PROM2: variants seen among roughly 807,000 people sequenced by gnomAD.
PROM2 encodes prominin-2.
PROM2 carries 90 observed loss-of-function variants against 110.2 expected under a neutral mutation model. The ratio of observed to expected loss-of-function variants is 0.82; its 90% CI spans 0.69 to 0.97. The LOEUF is 0.97. Ranked by LOEUF, PROM2 falls within the 50% of genes least tolerant of loss-of-function variation. The probability of loss-of-function intolerance (pLI) is 0.00; values close to 1 mark genes in which losing one functional copy is unlikely to be tolerated. For synonymous variants in PROM2, 470 were observed against 467.8 expected, an observed-to-expected ratio of 1.00 and a Z score of -0.06; for missense variants, 1,009 against 1,074.8, an observed-to-expected ratio of 0.94 and a Z score of 0.86.
chr2:95,284,122 G>C (rs1462155982), intron 14 of PROM2, among the ~76,000 whole-genome samples: 1 of 152,228 alleles, frequency 6.6e-6, no homozygotes, highest in Non-Finnish European at 1.5e-5. Flanking sequence ...CCTACTGGGA[G>C]CCTGTCTGGG....
rs1439493942 is a variant in PROM2, at chr2:95,274,828, A to G, written c.243A>G (p.Ser81=). The part of the protein sequence containing the change: ...LSVVQLNPFP[S]ELVKALLNEL... ...TGGTGCAGCTCAATCCTTTCCCTTC[A>G]GGTGAGTGTGCCCCTCCCCCATGAG... Residue 81 remains serine, a splice_region_variant and synonymous_variant, in exon 1 of 24, where the codon TCA becomes TCG. Transcript: ENST00000317620. The G allele has an allele frequency of 2.6e-6, 4 of 1,549,596 alleles. No individual in the cohort carries two copies. The highest frequency in any genetic ancestry group is 1.9e-5 in the Admixed American group (1 of 53,774).
At position 95,281,317 on chromosome 2, in the gene PROM2, C is replaced by T. The variant is rs370200086; in HGVS notation, c.1503C>T (p.Asn501=). 47 of 1,613,146 alleles carry T rather than the reference C, an allele frequency of 2.9e-5. No homozygotes were observed. Among genetic ancestry groups the T allele is most frequent in the South Asian group, 1.1e-4 (10 of 91,056 alleles). The change falls in exon 12 of 24, where the codon AAC becomes AAT. Residue 501 remains asparagine (N), a synonymous_variant. Transcript: ENST00000317620. ...TCGCCACCTTCCTGGTGGGTGGCAACGTGCAGACGCTGGTGTGCCAGAGCT... is the reference window on the plus strand; with the variant it reads ...TCGCCACCTTCCTGGTGGGTGGCAATGTGCAGACGCTGGTGTGCCAGAGCT... The part of the protein sequence containing the change: ...LVFATFLVGG[N]VQTLVCQSWE...
Position 95,276,294 on chromosome 2 carries a change from G to T in PROM2, c.565G>T (p.Ala189Ser). ...TGAACAGATGGGCCCCAGCATCGAG[G>T]CCATGCCTGAGACCCTGCTCAGCCT... ...THEQMGPSIE[A>S]MPETLLSLWG... Residue 189 changes from alanine to serine, a missense_variant, in exon 4 of 24, where the codon GCC becomes TCC. Ala to Ser is a moderately conservative substitution (Grantham distance 99). Transcript: ENST00000317620. This position sits in a 1 kb window ranked among gnomAD's most constrained non-coding sequence, Gnocchi z 4.6. 1 of 1,613,884 alleles carries T rather than the reference G, an allele frequency of 6.2e-7. No homozygotes were observed. The highest frequency in any genetic ancestry group is 1.3e-5 in the African/African-American group (1 of 75,064).
chr2:95,281,233 C>G lies in PROM2; in HGVS notation c.1428-9C>G. Reference sequence around the variant, plus strand: ...GCTGTCCCTCAGTCCTGCCTCTCGCCTACCCCAGAGGTGTGGGCCTCAGCT... The same window carrying G: ...GCTGTCCCTCAGTCCTGCCTCTCGCGTACCCCAGAGGTGTGGGCCTCAGCT... On this transcript the variant is annotated splice_polypyrimidine_tract_variant and intron_variant, in intron 11 of 23. Coordinates refer to ENST00000317620, the MANE Select transcript of PROM2 (RefSeq NM_001165978.3). The G allele has an allele frequency of 6.2e-7, 1 of 1,611,732 alleles. No homozygotes were observed. The highest frequency in any genetic ancestry group is 8.5e-7 in the Non-Finnish European group (1 of 1,179,846).
At chr2:95,281,483 G>A (rs1220703223) in intron 12 of PROM2, 118 bp downstream of exon 12, 2 of 1,262,820 alleles carry the variant, frequency 1.6e-6, no homozygotes, top group Non-Finnish European at 1.1e-6. Flanking sequence ...AGGGAGGGGA[G>A]GAGTGAGACA....
chr2:95,279,770 G>A (rs747303228), intron 10 of PROM2, 75 bp from the exon 11 acceptor site: 576 of 1,280,066 alleles, frequency 4.5e-4, no homozygotes, highest in Non-Finnish European at 2.1e-4. Context: ...ACACCCGGTC[G>A]CCACGTCCCG....
In PROM2 at chr2:95,276,217, A is replaced by C. The variant is rs1387815309; in HGVS notation, c.498-10A>C. ...CAGCAAGCACCTTCCTCCTCCCTCC[A>C]TTCCCACAGGATTGGTGTGGTCTGT... On this transcript the variant is annotated splice_polypyrimidine_tract_variant and intron_variant, in intron 3 of 23. Transcript: ENST00000317620. This position sits in a 1 kb window ranked among gnomAD's most constrained non-coding sequence, Gnocchi z 4.6. 2 of 1,613,846 alleles carry C rather than the reference A, an allele frequency of 1.2e-6. No individual in the cohort carries two copies. Among genetic ancestry groups the C allele is most frequent in the East Asian group, 2.2e-5 (1 of 44,868 alleles).
chr2:95,278,798 G>T lies in PROM2; in HGVS notation c.1114+14G>T. On this transcript the variant is annotated intron_variant, in intron 9 of 23. Transcript: ENST00000317620. The stretch of plus-strand genomic sequence containing the variant: ...GCGTGGTGCAAGGTTAGGCCACACG[G>T]GTCAGAGGCAGCTGCCAGGCATGGC... 1 of 1,613,992 alleles carries T rather than the reference G, an allele frequency of 6.2e-7. No individual in the cohort carries two copies. Among genetic ancestry groups the T allele is most frequent in the South Asian group, 1.1e-5 (1 of 91,082 alleles).
Position 95,285,114 on chromosome 2 carries a change from A to T in PROM2, c.1874A>T (p.Gln625Leu), listed in dbSNP as rs138402783. 571 of 1,565,914 alleles carry T rather than the reference A, an allele frequency of 3.6e-4. No individual in the cohort carries two copies. The highest frequency in any genetic ancestry group is 4.8e-4 in the Non-Finnish European group (549 of 1,153,918). Residue 625 changes from glutamine to leucine, a missense_variant and splice_region_variant, in exon 15 of 24, where the codon CAG (glutamine) becomes CTG (leucine). Physicochemically the swap from Gln to Leu is moderately radical, Grantham distance 113. Coordinates refer to ENST00000317620, the MANE Select transcript of PROM2 (RefSeq NM_001165978.3). ...QRIHYPDFLV[Q>L]IQRPVVKTSM... ...ATCCACTACCCCGACTTCCTCGTTC[A>T]GGTCAGCGGTGGGCACCTCAGCAGG...
Position 95,276,897 on chromosome 2 carries a change from G to A in PROM2, c.683-75G>A, listed in dbSNP as rs1676701132. The A allele has an allele frequency of 6.8e-7, 1 of 1,468,426 alleles. No homozygotes were observed. The highest frequency in any genetic ancestry group is 1.4e-5 in the African/African-American group (1 of 71,422). 91.0% of individuals were successfully genotyped at this position (1,468,426 alleles called of 1,614,324 possible). ...CTCCTGCAGAGCCCGGTGGGGCCTG[G>A]GGAGGCAGGATGGGAATGGGGAGGG... On this transcript the variant is annotated intron_variant, in intron 5 of 23. Coordinates refer to ENST00000317620, the MANE Select transcript of PROM2 (RefSeq NM_001165978.3). This position sits in a 1 kb window ranked among gnomAD's most constrained non-coding sequence, Gnocchi z 4.6.
intron 11 of PROM2, 26 bp downstream of exon 11, chr2:95,280,023 G>A: frequency 7.2e-7 from 1 of 1,391,678 alleles, no homozygotes; most frequent in Non-Finnish European, 9.4e-7. Context: ...GAGAGGGGAA[G>A]GGTCCCCTCT....
chr2:95,281,914 C>CCCAT lies in PROM2; in HGVS notation c.1552-8_1552-5dup, dbSNP rs1677071055. The CCCAT allele has an allele frequency of 6.2e-7, 1 of 1,610,686 alleles. No homozygotes were observed. Among genetic ancestry groups the CCCAT allele is most frequent in the Non-Finnish European group, 8.5e-7 (1 of 1,177,044 alleles). ...CCGCTCTGTGCCCATTTCTCACTGC[C>CCCAT]CCATCCCCAGTTTGCAGACACCCCA... is the stretch of plus-strand genomic sequence containing the variant. On this transcript the variant is annotated splice_polypyrimidine_tract_variant and intron_variant, in intron 12 of 23. Transcript: ENST00000317620.
chr2:95,278,471 G>T (rs557950492), intron 8 of PROM2: 9 of 589,776 alleles, frequency 1.5e-5, no homozygotes, highest in Admixed American at 1.4e-4. Context: ...TTGTGTGGAG[G>T]GCGGCTGAGA....
chr2:95,288,495 T>C lies in PROM2; in HGVS notation c.2347T>C (p.Phe783Leu). The change falls in exon 22 of 24, where the codon TTC becomes CTC. Residue 783 changes from phenylalanine to leucine, a missense_variant. Transcript: ENST00000317620. Reference protein sequence around the residue: ...MMADPWNAFWFCLAWCTFFLI... With the variant: ...MMADPWNAFWLCLAWCTFFLI... The stretch of plus-strand genomic sequence containing the variant: ...CGCCTTGTTGCAGAATGCCTTCTGG[T>C]TCTGCCTGGCATGGTGCACCTTCTT... The C allele has an allele frequency of 6.2e-7, 1 of 1,614,148 alleles. No individual in the cohort carries two copies. Among genetic ancestry groups the C allele is most frequent in the Non-Finnish European group, 8.5e-7 (1 of 1,179,990 alleles).
rs1270099282 is a variant in PROM2, at chr2:95,281,455, G to A, written c.1551+90G>A. ...GGAGGGTTGGGGGAAAGTGGGGGTC[G>A]GGGGGTAAAAGGGAGAGAGGGAGGG... is the stretch of plus-strand genomic sequence containing the variant. On this transcript the variant is annotated intron_variant, in intron 12 of 23. Coordinates refer to ENST00000317620, the MANE Select transcript of PROM2 (RefSeq NM_001165978.3). 7.3e-6 allele frequency: 10 copies of A among 1,374,266 alleles called. 1 individual carries two copies. The highest frequency in any genetic ancestry group is 2.3e-5 in the Admixed American group (1 of 44,330). The allele number at this position is 1,374,266 out of a possible 1,614,324, so 85.1% of individuals were successfully genotyped here.
In PROM2 at chr2:95,288,479, G is replaced by T; in HGVS notation, c.2335-4G>T. ...TGGTGAGCCGACCTCACGCCTTGTT[G>T]CAGAATGCCTTCTGGTTCTGCCTGG... On this transcript the variant is annotated splice_region_variant and splice_polypyrimidine_tract_variant and intron_variant, in intron 21 of 23. Coordinates refer to ENST00000317620, the MANE Select transcript of PROM2 (RefSeq NM_001165978.3). The T allele has an allele frequency of 8.7e-6, 14 of 1,613,932 alleles. No homozygotes were observed. Among genetic ancestry groups the T allele is most frequent in the Non-Finnish European group, 1.1e-5 (13 of 1,179,840 alleles).
rs1677429898 is a variant in PROM2 at position 95,287,405 on chromosome 2, T to C, written c.2185T>C (p.Cys729Arg). ...CCTTTCCTTCCTGCAGGTGAGTGAGTGTTTCCTGGCCCGGGAGATGGGCTA... is the reference window on the plus strand; with the variant it reads ...CCTTTCCTTCCTGCAGGTGAGTGAGCGTTTCCTGGCCCGGGAGATGGGCTA... ...AARILRNVSE[C>R]FLAREMGYFS... Residue 729 changes from cysteine (C) to arginine (R), a missense_variant, in exon 20 of 24, where the codon TGT becomes CGT. Physicochemically the swap from Cys to Arg is radical, Grantham distance 180 (BLOSUM62 -3). Coordinates refer to ENST00000317620, the MANE Select transcript of PROM2 (RefSeq NM_001165978.3). The C allele has an allele frequency of 1.9e-6, 3 of 1,613,904 alleles. No homozygotes were observed. The African/African-American group carries it at 4.0e-5, about 22-fold the overall frequency.
rs1677114447 is a variant in PROM2, at chr2:95,282,558, G to A, written c.1728+332G>A. On this transcript the variant is annotated intron_variant, in intron 14 of 23. Transcript: ENST00000317620. ...GGCTGGGATGCTCCACTTGGGAGGG[G>A]GAGGCTGGGGAAGGACGTGGCAGTG... 8.5e-5 allele frequency among the ~76,000 whole-genome samples: 13 copies of A among 152,316 alleles called. No individual in the cohort carries two copies. The South Asian group carries it at 2.7e-3, about 32-fold the overall frequency.
chr2:95,287,293 A>G (rs1457620326), intron 19 of PROM2, 80 bp downstream of exon 19: 2 of 1,544,648 alleles, frequency 1.3e-6, no homozygotes, highest in Non-Finnish European at 1.8e-6. Flanking sequence ...CTCCCAGGAA[A>G]GCTGGGCCTG....
Sources: gnomAD v4.1 joint callset for allele counts (sites outside exome capture counted in the v4.1 genomes callset) on GRCh38, gnomAD v4.1.1 for gene constraint, Gnocchi (gnomAD v3.1) non-coding constraint, MANE v1.5 for transcripts, NCBI Gene and HGNC (gene_info 2026-07-23, HGNC 2026-07-21) for gene names.